Variants in ASIC2 observed in about 807,000 individuals in gnomAD.
ASIC2 encodes the protein acid sensing ion channel subunit 2, also known as acid-sensing ion channel 2.
Under a neutral mutation model 57.3 loss-of-function variants are expected in ASIC2, and 25 were observed. That is an observed-to-expected ratio of 0.44 (90% CI 0.32 to 0.61). The LOEUF (loss-of-function observed/expected upper bound fraction) is 0.61, where lower values mean the gene tolerates loss of function less well. Among genes scored for constraint, ASIC2 ranks in the 20% least tolerant of loss-of-function variants. The pLI is 0.06. For missense variants in ASIC2, 641 were observed against 738.1 expected (o/e 0.87, Z 1.52); for synonymous variants, 319 against 307.5 (o/e 1.04, Z -0.39).
chr17:33,017,801 C>A, intron 7 of ASIC2, 117 bp from the exon 8 acceptor site: 2 of 924,882 alleles, frequency 2.2e-6, no homozygotes, highest in South Asian at 1.6e-5. Flanking sequence ...GGAGCCTGGG[C>A]CTTGTTGTGG....
At position 33,657,272 on chromosome 17, in the gene ASIC2, G is replaced by A. The variant is rs962144024; in HGVS notation, c.555+498706C>T. On this transcript the variant is annotated intron_variant, in intron 1 of 9. Coordinates refer to the ASIC2 transcript ENST00000359872. ...TGGTGCTTGGAAGATGCAACACACCGACTGGCTACGCTGCAGTTACTGCAT... is the reference window on the plus strand; with the variant it reads ...TGGTGCTTGGAAGATGCAACACACCAACTGGCTACGCTGCAGTTACTGCAT... Among the ~76,000 whole-genome samples the A allele has an allele frequency of 3.3e-5, 5 of 152,154 alleles. No homozygotes were observed. The East Asian group carries it at 5.8e-4, about 18-fold the overall frequency.
At chr17:33,645,183 A>G (rs1906701542) in intron 1 of ASIC2, among the ~76,000 whole-genome samples, 1 of 152,190 alleles carries the variant, frequency 6.6e-6, no homozygotes, top group African/African-American at 2.4e-5. Flanking sequence ...CATGAGCAAA[A>G]CGTTAGATGC....
At chr17:33,458,025 G>A (rs1567618918) in intron 1 of ASIC2, among the ~76,000 whole-genome samples, 1 of 151,566 alleles carries the variant, frequency 6.6e-6, no homozygotes, top group Non-Finnish European at 1.5e-5. Context: ...GGGGGAAGGG[G>A]ATTCTGATTC....
chr17:33,735,018 C>T (rs868156061), intron 1 of ASIC2, among the ~76,000 whole-genome samples: 6 of 152,198 alleles, frequency 3.9e-5, no homozygotes, highest in African/African-American at 7.2e-5. Flanking sequence ...GACTGCACTT[C>T]GCTGTTGCTG....
intron 1 of ASIC2, among the ~76,000 whole-genome samples, chr17:34,085,661 C>A (rs1910087483): frequency 6.6e-6 from 1 of 152,122 alleles, no homozygotes; most frequent in Non-Finnish European, 1.5e-5. Context: ...GTGAATCCAT[C>A]TGGTCCTGGA....
chr17:33,786,040 C>T (rs905432327), intron 1 of ASIC2, among the ~76,000 whole-genome samples: 5 of 152,154 alleles, frequency 3.3e-5, no homozygotes, highest in South Asian at 2.1e-4. Flanking sequence ...GTTTAAGGAG[C>T]TTGGCAAGCT....
chr17:33,667,007 T>C (rs1907495699), intron 1 of ASIC2, among the ~76,000 whole-genome samples: 1 of 152,178 alleles, frequency 6.6e-6, no homozygotes, highest in African/African-American at 2.4e-5. Context: ...GGGTGCCCTG[T>C]TTTTTATTTG....
At chr17:33,668,544 G>A (rs1268044665) in intron 1 of ASIC2, among the ~76,000 whole-genome samples, 1 of 152,122 alleles carries the variant, frequency 6.6e-6, no homozygotes, top group Admixed American at 6.5e-5. Flanking sequence ...TTAAGAACTT[G>A]TGATGAGATT....
upstream of ASIC2, among the ~76,000 whole-genome samples, chr17:33,298,292 C>T (rs1380224794): frequency 6.6e-6 from 1 of 152,072 alleles, no homozygotes; most frequent in Non-Finnish European, 1.5e-5. Flanking sequence ...CAAGCCCTTC[C>T]TGTGTCCAAG....
At chr17:33,924,839 G>C (rs1915790658) in intron 1 of ASIC2, among the ~76,000 whole-genome samples, 1 of 152,210 alleles carries the variant, frequency 6.6e-6, no homozygotes, top group East Asian at 1.9e-4. Context: ...CTGGAACCCA[G>C]ACTCTGCAGA....
chr17:33,804,553 T>G (rs959500055), intron 1 of ASIC2, among the ~76,000 whole-genome samples: 7 of 152,250 alleles, frequency 4.6e-5, no homozygotes, highest in African/African-American at 1.7e-4. Flanking sequence ...AGAGCTTTGC[T>G]GGTGCTGGGT....
Position 33,474,391 on chromosome 17 carries a change from A to G in ASIC2, c.556-362324T>C, listed in dbSNP as rs1041839757. 2.6e-5 allele frequency among the ~76,000 whole-genome samples: 4 copies of G among 152,192 alleles called. No individual in the cohort carries two copies. The South Asian group carries it at 8.3e-4, about 32-fold the overall frequency. The stretch of plus-strand genomic sequence containing the variant: ...ATCCCCCCGCCAAAGAAAAAAAGAA[A>G]AGAAACAGATGGCATACTAAGAGTA... On this transcript the variant is annotated intron_variant, in intron 1 of 9. Coordinates refer to the ASIC2 transcript ENST00000359872.
chr17:33,359,638 T>C (rs769239251), intron 1 of ASIC2, among the ~76,000 whole-genome samples: 3 of 152,216 alleles, frequency 2.0e-5, no homozygotes, highest in Admixed American at 1.3e-4. Flanking sequence ...TAAATATAGC[T>C]AGCCATCTAA....
At chr17:33,880,883 C>A (rs1239543856) in intron 1 of ASIC2, among the ~76,000 whole-genome samples, 1 of 152,160 alleles carries the variant, frequency 6.6e-6, no homozygotes, top group Non-Finnish European at 1.5e-5. Context: ...CAAACCGAAT[C>A]CAGCAGCACA....
chr17:33,397,787 T>C (rs979354336), intron 1 of ASIC2, among the ~76,000 whole-genome samples: 2 of 152,216 alleles, frequency 1.3e-5, no homozygotes, highest in African/African-American at 4.8e-5. Context: ...AGGAGCCCCA[T>C]TGGGCATTTT....
At chr17:33,369,209 C>G (rs1908946196) in intron 1 of ASIC2, among the ~76,000 whole-genome samples, 1 of 152,108 alleles carries the variant, frequency 6.6e-6, no homozygotes, top group Admixed American at 6.5e-5. Context: ...TGCCATAGAC[C>G]CCACTTCCCT....
chr17:33,845,118 A>T (rs1033498652), intron 1 of ASIC2, among the ~76,000 whole-genome samples: 1 of 152,386 alleles, frequency 6.6e-6, no homozygotes, highest in East Asian at 1.9e-4. Flanking sequence ...AGGGTTTTAG[A>T]AAAAAATTCC....
chr17:34,000,042 G>C (rs542933584), intron 1 of ASIC2, among the ~76,000 whole-genome samples: 2 of 145,308 alleles, frequency 1.4e-5, no homozygotes, highest in East Asian at 4.1e-4. Context: ...TTGGTTGAAA[G>C]TGTTATTGTT....
intron 1 of ASIC2, among the ~76,000 whole-genome samples, chr17:33,229,390 G>A (rs1908005893): frequency 6.6e-6 from 1 of 152,208 alleles, no homozygotes; most frequent in Non-Finnish European, 1.5e-5. Flanking sequence ...AATGTGGTCT[G>A]AGCATGGGGA....
Sources: gnomAD v4.1 joint callset for allele counts (sites outside exome capture counted in the v4.1 genomes callset) on GRCh38, gnomAD v4.1.1 for gene constraint, MANE v1.5 for transcripts, NCBI Gene and HGNC (gene_info 2026-07-23, HGNC 2026-07-21) for gene names.